Variants in DLGAP2 observed in about 807,000 individuals in gnomAD.
DLGAP2 encodes DLG associated protein 2, also known as disks large-associated protein 2.
A neutral mutation model predicts 100.3 loss-of-function variants in DLGAP2; 26 were observed. The observed-to-expected ratio is 0.26, with a 90% confidence interval of 0.19 to 0.36. DLGAP2 has a LOEUF of 0.36. Ranked by LOEUF, DLGAP2 falls within the 10% of genes least tolerant of loss-of-function variation. The probability of loss-of-function intolerance (pLI) is 1.00; values close to 1 mark genes in which losing one functional copy is unlikely to be tolerated. For missense variants in DLGAP2, 1,858 were observed against 1,453.2 expected (o/e 1.28, Z -4.53); for synonymous variants, 886 against 630.1 (o/e 1.41, Z -6.08).
chr8:776,875 G>A (rs1469731081), intron 1 of DLGAP2, among the ~76,000 whole-genome samples: 4 of 152,250 alleles, frequency 2.6e-5, no homozygotes, highest in African/African-American at 4.8e-5. Context: ...TCCACTTGTT[G>A]CAGAGCTGAG....
intron 2 of DLGAP2, among the ~76,000 whole-genome samples, chr8:996,809 C>G (rs1221718492): frequency 6.6e-6 from 1 of 152,170 alleles, no homozygotes; most frequent in African/African-American, 2.4e-5. Context: ...ATATGCGTGG[C>G]AGACATCTAT....
At chr8:1,359,357 G>A (rs946998485) in intron 3 of DLGAP2, among the ~76,000 whole-genome samples, 1 of 152,254 alleles carries the variant, frequency 6.6e-6, no homozygotes, top group African/African-American at 2.4e-5. Flanking sequence ...GCGCAGTTTA[G>A]GAGAAAGGAA....
chr8:1,278,889 T>G (rs759773013), intron 3 of DLGAP2, among the ~76,000 whole-genome samples: 2 of 152,202 alleles, frequency 1.3e-5, no homozygotes, highest in African/African-American at 2.4e-5. Context: ...ATTTAATGTT[T>G]AGGGGATATT....
At chr8:1,089,854 G>A (rs1023924814) in intron 2 of DLGAP2, among the ~76,000 whole-genome samples, 8 of 152,222 alleles carry the variant, frequency 5.3e-5, no homozygotes, top group African/African-American at 1.2e-4. Flanking sequence ...GGAGACACTC[G>A]GGGGTTGGAG....
chr8:1,522,607 G>C (rs1469348847), intron 4 of DLGAP2, among the ~76,000 whole-genome samples: 4 of 152,214 alleles, frequency 2.6e-5, no homozygotes, highest in Non-Finnish European at 5.9e-5. Context: ...TCCTCATGTG[G>C]CCATTGCAAG....
intron 1 of DLGAP2, among the ~76,000 whole-genome samples, chr8:856,188 T>TTCTTCTTCTTCTTC (rs1218302818): frequency 6.8e-3 from 306 of 44,678 alleles, no homozygotes; most frequent in Middle Eastern, 0.041. Flanking sequence ...TCTTCTTCTT[T>TTCTTCTTCTTCTTC]TTTTTTTTTT....
intron 3 of DLGAP2, among the ~76,000 whole-genome samples, chr8:1,494,331 C>T (rs17063988): frequency 0.1 from 15,293 of 152,278 alleles, 2,562 homozygotes; most frequent in African/African-American, 0.35. Flanking sequence ...CCTGAGAAGA[C>T]GCAATTGTGC....
chr8:757,232 A>C (rs1179604491), intron 1 of DLGAP2, among the ~76,000 whole-genome samples: 1 of 151,950 alleles, frequency 6.6e-6, no homozygotes, highest in Non-Finnish European at 1.5e-5. Context: ...CCATTTCCTC[A>C]CTTTTGGGTC....
intron 2 of DLGAP2, among the ~76,000 whole-genome samples, chr8:1,027,931 G>T (rs1165443647): frequency 7.0e-6 from 1 of 141,978 alleles, no homozygotes; most frequent in Non-Finnish European, 1.5e-5. Context: ...CTCGGTGCCT[G>T]TTATTCTCCA....
intron 3 of DLGAP2, among the ~76,000 whole-genome samples, chr8:1,403,662 A>T (rs375252695): frequency 7.5e-3 from 28 of 3,742 alleles, no homozygotes; most frequent in Non-Finnish European, 8.5e-3. Context: ...GTGTATTGAG[A>T]ACTTACTGAG....
chr8:1,535,035 C>G (rs371129002), intron 4 of DLGAP2, among the ~76,000 whole-genome samples: 4 of 152,236 alleles, frequency 2.6e-5, no homozygotes, highest in African/African-American at 9.6e-5. Flanking sequence ...TCATTAAGCT[C>G]TTTCTGGTTG....
At chr8:1,539,951 T>A (rs1462549232) in intron 4 of DLGAP2, among the ~76,000 whole-genome samples, 1 of 152,098 alleles carries the variant, frequency 6.6e-6, no homozygotes, top group Non-Finnish European at 1.5e-5. Context: ...TCCCATCTCT[T>A]CTCTGCTCCT....
intron 2 of DLGAP2, among the ~76,000 whole-genome samples, chr8:1,132,154 A>C (rs1212755334): frequency 6.6e-6 from 1 of 152,232 alleles, no homozygotes; most frequent in Non-Finnish European, 1.5e-5. Context: ...CTTATTTGAG[A>C]GTAAAAATCT....
intron 2 of DLGAP2, among the ~76,000 whole-genome samples, chr8:1,098,084 C>T (rs1804448009): frequency 1.3e-5 from 2 of 152,254 alleles, no homozygotes; most frequent in African/African-American, 4.8e-5. Context: ...GTTATATTTC[C>T]TTGCAACGCA....
intron 1 of DLGAP2, among the ~76,000 whole-genome samples, chr8:812,844 A>G (rs914492568): frequency 3.9e-5 from 6 of 152,198 alleles, no homozygotes; most frequent in Non-Finnish European, 8.8e-5. Flanking sequence ...TCCAGGCACA[A>G]TAGTGGTTAT....
chr8:1,529,833 C>T (rs909653947), intron 4 of DLGAP2, among the ~76,000 whole-genome samples: 17 of 152,156 alleles, frequency 1.1e-4, no homozygotes, highest in African/African-American at 2.9e-4. Flanking sequence ...GCTGGGCATC[C>T]GGGGAGACAT....
intron 1 of DLGAP2, among the ~76,000 whole-genome samples, chr8:795,679 ACAGGCGTCCAGTGAGAG>A (rs1563437556): frequency 1.0e-3 from 28 of 26,978 alleles, no homozygotes; most frequent in African/African-American, 4.0e-3. Flanking sequence ...TCCAGTGAGA[ACAGGCGTCCAGTGAGAG>A]CAGGCGTCCA....
chr8:1,048,374 C>T (rs1478661397), intron 2 of DLGAP2, among the ~76,000 whole-genome samples: 1 of 152,080 alleles, frequency 6.6e-6, no homozygotes, highest in Admixed American at 6.5e-5. Context: ...GTTGCTACTT[C>T]AGTTATTAGG....
At chr8:1,226,031 G>A (rs1048519437) in intron 2 of DLGAP2, among the ~76,000 whole-genome samples, 3 of 151,988 alleles carry the variant, frequency 2.0e-5, no homozygotes, top group Admixed American at 2.0e-4. Flanking sequence ...CATATATATG[G>A]TATATATGGA....
Sources: gnomAD v4.1 joint callset for allele counts (sites outside exome capture counted in the v4.1 genomes callset) on GRCh38, gnomAD v4.1.1 for gene constraint, MANE v1.5 for transcripts, NCBI Gene and HGNC (gene_info 2026-07-23, HGNC 2026-07-21) for gene names.